RNF41: variants seen among roughly 807,000 people sequenced by gnomAD.
RNF41 encodes the protein ring finger protein 41, also known as E3 ubiquitin-protein ligase NRDP1.
A neutral mutation model predicts 33.0 loss-of-function variants in RNF41; 4 were observed. That is an observed-to-expected ratio of 0.12 (90% CI 0.06 to 0.28). The LOEUF (loss-of-function observed/expected upper bound fraction) is 0.28, where lower values mean the gene tolerates loss of function less well. Among genes scored for constraint, RNF41 ranks in the 10% least tolerant of loss-of-function variants. RNF41 has a pLI of 1.00. For synonymous variants in RNF41, 164 were observed against 153.2 expected, an observed-to-expected ratio of 1.07 and a Z score of -0.52; for missense variants, 228 against 432.6, an observed-to-expected ratio of 0.53 and a Z score of 4.19.
chr12:56,216,064 G>A (rs1320574034), intron 2 of RNF41, among the ~76,000 whole-genome samples: 2 of 151,930 alleles, frequency 1.3e-5, no homozygotes. Flanking sequence ...GAAGGTTGCA[G>A]TGAGCTGAGA....
chr12:56,202,871 C>T lies in RNF41; in HGVS notation c.*3576G>A, dbSNP rs1878648708. On this transcript the variant is annotated 3_prime_UTR_variant, in exon 7 of 7. Coordinates refer to ENST00000345093, the MANE Select transcript of RNF41 (RefSeq NM_005785.4). Reference sequence around the variant, plus strand: ...CTTCTGTAAAAGGACAATATGACACCATTCATAACATTCACAAGAATGAGC... The same window carrying T: ...CTTCTGTAAAAGGACAATATGACACTATTCATAACATTCACAAGAATGAGC... 6.6e-6 allele frequency: 1 copy of T among 152,090 alleles called. No homozygotes were observed. The highest frequency in any genetic ancestry group is 1.9e-4 in the East Asian group (1 of 5,200). The allele number at this position is 152,090 out of a possible 1,614,324, so 9.4% of individuals were successfully genotyped here. A position where few individuals can be genotyped will look rare whatever the true frequency, so the allele number is the denominator to read the frequency against.
At chr12:56,219,804 C>T (rs1869212470) in intron 1 of RNF41, among the ~76,000 whole-genome samples, 2 of 151,288 alleles carry the variant, frequency 1.3e-5, no homozygotes, top group African/African-American at 2.4e-5. Flanking sequence ...CACCTGAGTC[C>T]AAGAGTTTGA....
At position 56,208,182 on chromosome 12, in the gene RNF41, T is replaced by C; in HGVS notation, c.479A>G (p.Lys160Arg). Residue 160 changes from lysine to arginine, a missense_variant, in exon 5 of 7, where the codon AAA becomes AGA. By Grantham distance (26) the Lys-to-Arg change is conservative. Transcript: ENST00000345093. The stretch of plus-strand genomic sequence containing the variant: ...GCCTACCTGCTCCGCCAGCTGGTGT[T>C]TGTGTTCAGCTGACGTCTTCTCCAG... ...AELEKTSAEH[K>R]HQLAEQKRDI... The C allele has an allele frequency of 6.2e-7, 1 of 1,614,230 alleles. No homozygotes were observed. The highest frequency in any genetic ancestry group is 8.5e-7 in the Non-Finnish European group (1 of 1,180,036).
At chr12:56,208,328 C>A (rs1275614457) in intron 4 of RNF41, 30 bp from the exon 5 acceptor site, 4 of 1,611,564 alleles carry the variant, frequency 2.5e-6, no homozygotes, top group Middle Eastern at 3.3e-4. Context: ...AAGAGCAGAA[C>A]AGAGGTGATC....
In RNF41 at chr12:56,206,603, C is replaced by T; in HGVS notation, c.798G>A (p.Gln266=). 1 of 1,614,210 alleles carries T rather than the reference C, an allele frequency of 6.2e-7. No homozygotes were observed. The highest frequency in any genetic ancestry group is 8.5e-7 in the Non-Finnish European group (1 of 1,180,044). The change falls in exon 7 of 7, where the codon CAG becomes CAA. Residue 266 remains glutamine (Q), a synonymous_variant. Coordinates refer to ENST00000345093, the MANE Select transcript of RNF41 (RefSeq NM_005785.4). The surrounding 1 kb of genome is among the most constrained non-coding windows in gnomAD (Gnocchi z 5.7). ...AGTTCTCATAGTAGCGTCGGTTCATCTGTCTAGTCTCTAGTGTGGCCAGAC... is the reference window on the plus strand; with the variant it reads ...AGTTCTCATAGTAGCGTCGGTTCATTTGTCTAGTCTCTAGTGTGGCCAGAC... ...PQGLATLETR[Q]MNRRYYENYV... is the part of the protein sequence containing the mutation.
intron 5 of RNF41, 97 bp downstream of exon 5, chr12:56,208,066 G>T: frequency 7.0e-7 from 1 of 1,418,704 alleles, no homozygotes. Flanking sequence ...ACAAGTGTAA[G>T]CACTGGTCTG....
chr12:56,209,645 G>C (rs532446252), intron 4 of RNF41, among the ~76,000 whole-genome samples: 18 of 152,120 alleles, frequency 1.2e-4, no homozygotes, highest in Non-Finnish European at 2.4e-4. Flanking sequence ...TTTTAGTAGA[G>C]ACGGGGTTTC....
chr12:56,216,921 A>G (rs1868935781), intron 1 of RNF41, among the ~76,000 whole-genome samples: 2 of 152,088 alleles, frequency 1.3e-5, no homozygotes. Flanking sequence ...CGGGTGGATC[A>G]CGAGGTCAGG....
chr12:56,207,727 T>A lies in RNF41; in HGVS notation c.521A>T (p.Lys174Met). 6.2e-7 allele frequency: 1 copy of A among 1,613,962 alleles called. No homozygotes were observed. Among genetic ancestry groups the A allele is most frequent in the Non-Finnish European group, 8.5e-7 (1 of 1,179,794 alleles). Residue 174 changes from lysine (K) to methionine (M), a missense_variant, in exon 6 of 7, where the codon AAG (lysine) becomes ATG (methionine). Coordinates refer to ENST00000345093, the MANE Select transcript of RNF41 (RefSeq NM_005785.4). ...ACTGCGGATTGCACGCATGTATGCC[T>A]TTAGCAGCTGGATGTCTCGCTTCTG... ...AEQKRDIQLL[K>M]AYMRAIRSVN... is the part of the protein sequence containing the mutation.
rs1878624811 is a variant in RNF41 at position 56,202,198 on chromosome 12, A to G, written c.*4249T>C. 1 of 151,078 alleles carries G rather than the reference A, an allele frequency of 6.6e-6. No individual in the cohort carries two copies. Among genetic ancestry groups the G allele is most frequent in the Non-Finnish European group, 1.5e-5 (1 of 67,836 alleles). The allele number at this position is 151,078 out of a possible 1,614,324, so 9.4% of individuals were successfully genotyped here. On this transcript the variant is annotated 3_prime_UTR_variant, in exon 7 of 7. Coordinates refer to ENST00000345093, the MANE Select transcript of RNF41 (RefSeq NM_005785.4). ...AGTCACTGAAAGAGATGAAACAAAA[A>G]AAATTTTACTAGTATTAAAACAGAT...
At chr12:56,218,428 A>G (rs946722302) in intron 1 of RNF41, among the ~76,000 whole-genome samples, 9 of 148,444 alleles carry the variant, frequency 6.1e-5, no homozygotes, top group Non-Finnish European at 1.2e-4. Flanking sequence ...ATGCCTGGCT[A>G]ATTTTTGTAT....
rs1565940183 is a variant in RNF41 at position 56,206,867 on chromosome 12, A to G, written c.603-69T>C. 2.6e-5 allele frequency: 31 copies of G among 1,213,460 alleles called. No homozygotes were observed. The East Asian group carries it at 7.8e-4, about 30-fold the overall frequency. The allele number at this position is 1,213,460 out of a possible 1,614,324, so 75.2% of individuals were successfully genotyped here. On this transcript the variant is annotated intron_variant, in intron 6 of 6. Transcript: ENST00000345093. The surrounding 1 kb of genome is among the most constrained non-coding windows in gnomAD (Gnocchi z 5.7). ...TTCTCTGTATTGGCTTTTTCTGCTA[A>G]TAGAAATAACTACCCACTCTGCACT...
chr12:56,214,122 G>C, intron 2 of RNF41, 52 bp from the exon 3 acceptor site: 7 of 928,514 alleles, frequency 7.5e-6, no homozygotes, highest in Non-Finnish European at 1.3e-5. Flanking sequence ...CTACAAATAT[G>C]TGACAAACAT....
intron 6 of RNF41, 83 bp downstream of exon 6, chr12:56,207,563 C>T (rs979407102): frequency 1.3e-5 from 14 of 1,075,868 alleles, no homozygotes; most frequent in Non-Finnish European, 1.9e-5. Flanking sequence ...CCAATGCCCT[C>T]CTTCTGCTAC....
chr12:56,211,352 AATAT>A (rs138369744), intron 3 of RNF41, among the ~76,000 whole-genome samples: 1 of 149,932 alleles, frequency 6.7e-6, no homozygotes. Flanking sequence ...TAAATAAATA[AATAT>A]ATATATATAT....
intron 1 of RNF41, among the ~76,000 whole-genome samples, chr12:56,219,009 CT>C (rs1369281939): frequency 4.6e-4 from 66 of 142,060 alleles, no homozygotes; most frequent in Admixed American, 4.9e-4. Context: ...GCCTATTTTT[CT>C]TTTTTTTTTT....
At chr12:56,217,318 G>A (rs1050400826) in intron 1 of RNF41, among the ~76,000 whole-genome samples, 4 of 152,066 alleles carry the variant, frequency 2.6e-5, no homozygotes, top group Non-Finnish European at 5.9e-5. Flanking sequence ...AGGCCGAGGC[G>A]GGTGGATCAC....
Position 56,205,461 on chromosome 12 carries a change from ATTTT to A in RNF41, c.*982_*985del, listed in dbSNP as rs927125138. ...CATCAAAAGAAAAGTTTCAAGTTTG[ATTTT>A]TTTTTCTTTTTTCCTTTCTTAAAAA... On this transcript the variant is annotated 3_prime_UTR_variant, in exon 7 of 7. Coordinates refer to ENST00000345093, the MANE Select transcript of RNF41 (RefSeq NM_005785.4). 1 of 132,772 alleles carries A rather than the reference ATTTT, an allele frequency of 7.5e-6. No homozygotes were observed. The highest frequency in any genetic ancestry group is 1.6e-5 in the Non-Finnish European group (1 of 63,700). The allele number at this position is 132,772 out of a possible 1,614,324, so 8.2% of individuals were successfully genotyped here. A position where few individuals can be genotyped will look rare whatever the true frequency, so the allele number is the denominator to read the frequency against.
chr12:56,209,965 A>C lies in RNF41; in HGVS notation c.362+332T>G, dbSNP rs369798356. On this transcript the variant is annotated intron_variant, in intron 4 of 6. Coordinates refer to ENST00000345093, the MANE Select transcript of RNF41 (RefSeq NM_005785.4). ...GAAATAAAAAAATAGGGCAAGAGGA[A>C]ATATGAGAAGGCTGGCAATTATAGC... 1.2e-3 allele frequency: 378 copies of C among 313,634 alleles called. 7 individuals are homozygous for C. In the South Asian group the frequency reaches 0.016, roughly 13 times the overall value. 19.4% of individuals were successfully genotyped at this position (313,634 alleles called of 1,614,324 possible). A position where few individuals can be genotyped will look rare whatever the true frequency, so the allele number is the denominator to read the frequency against.
Sources: gnomAD v4.1 joint callset for allele counts (sites outside exome capture counted in the v4.1 genomes callset) on GRCh38, gnomAD v4.1.1 for gene constraint, Gnocchi (gnomAD v3.1) non-coding constraint, MANE v1.5 for transcripts, NCBI Gene and HGNC (gene_info 2026-07-23, HGNC 2026-07-21) for gene names.